The following ENTPD1 variants were observed in gnomAD, a reference collection of about 807,000 sequenced individuals.
ENTPD1 encodes the protein ATP diphosphohydrolase.
In ENTPD1, 33 loss-of-function variants were observed where a neutral mutation model predicts 57.0. The ratio of observed to expected loss-of-function variants is 0.58; its 90% CI spans 0.44 to 0.77. The LOEUF (loss-of-function observed/expected upper bound fraction) is 0.77, where lower values mean the gene tolerates loss of function less well. ENTPD1 is among the 30% of genes least tolerant of loss of function. The pLI is 0.00. For synonymous variants in ENTPD1, 202 were observed against 218.8 expected, an observed-to-expected ratio of 0.92 and a Z score of 0.68; for missense variants, 501 against 603.4, an observed-to-expected ratio of 0.83 and a Z score of 1.78.
chr10:95,737,383 T>A (rs1250491299), intron 1 of ENTPD1, among the ~76,000 whole-genome samples: 8 of 151,910 alleles, frequency 5.3e-5, no homozygotes, highest in Non-Finnish European at 1.5e-5. Flanking sequence ...GAAAAAAAAA[T>A]TAAAACTTTT....
At chr10:95,860,156 T>G (rs1715889912) in intron 7 of ENTPD1, among the ~76,000 whole-genome samples, 1 of 152,252 alleles carries the variant, frequency 6.6e-6, no homozygotes. Context: ...TAGTACATAG[T>G]ATTTTTAAAT....
At chr10:95,864,679 G>A (rs772977118) in intron 8 of ENTPD1, 45 bp from the exon 9 acceptor site, 20 of 1,613,320 alleles carry the variant, frequency 1.2e-5, no homozygotes, top group Non-Finnish European at 1.7e-5. Flanking sequence ...GCCACAGAGA[G>A]GTGCCTATCA....
chr10:95,813,701 T>C (rs189137480), intron 1 of ENTPD1, among the ~76,000 whole-genome samples: 327 of 152,274 alleles, frequency 2.1e-3, no homozygotes, highest in Non-Finnish European at 4.0e-3. Context: ...GTCTGGTCAG[T>C]TGGGGGGCTT....
rs1354035732 is a variant in ENTPD1 at position 95,868,375 on chromosome 10, A to C, written c.*1992A>C. 1 of 985,334 alleles carries C rather than the reference A, an allele frequency of 1.0e-6. No homozygotes were observed. The highest frequency in any genetic ancestry group is 1.2e-6 in the Non-Finnish European group (1 of 829,948). The allele number at this position is 985,334 out of a possible 1,614,324, so 61.0% of individuals were successfully genotyped here. On this transcript the variant is annotated 3_prime_UTR_variant, in exon 10 of 10. Coordinates refer to ENST00000371205, the MANE Select transcript of ENTPD1 (RefSeq NM_001776.6). ...CTGTTCCTGATAGGCTTGTAATTTA[A>C]TATCATTCTGTTCATGTGCTTTGGA...
At chr10:95,771,966 C>T (rs750149679) in intron 1 of ENTPD1, among the ~76,000 whole-genome samples, 3 of 152,026 alleles carry the variant, frequency 2.0e-5, no homozygotes, top group African/African-American at 7.2e-5. Context: ...AAGGAAGTAA[C>T]GTGATTAAAA....
rs2098430009 is a variant in ENTPD1 at position 95,844,539 on chromosome 10, C to T, written c.477C>T (p.Tyr159=). The change falls in exon 5 of 10, where the codon TAC becomes TAT. Residue 159 remains tyrosine (Y), a synonymous_variant. Coordinates refer to ENST00000371205, the MANE Select transcript of ENTPD1 (RefSeq NM_001776.6). The part of the protein sequence containing the change: ...LDVVERSLSN[Y]PFDFQGARII... ...TGGTGGAGAGGAGCCTCAGCAACTA[C>T]CCCTTTGACTTCCAGGGTGCCAGGA... 6.2e-7 allele frequency: 1 copy of T among 1,614,210 alleles called. No individual in the cohort carries two copies. The highest frequency in any genetic ancestry group is 1.7e-4 in the Middle Eastern group (1 of 6,058).
At chr10:95,843,904 G>GC (rs1446101165) in intron 4 of ENTPD1, among the ~76,000 whole-genome samples, 4 of 152,222 alleles carry the variant, frequency 2.6e-5, no homozygotes, top group Non-Finnish European at 5.9e-5. Context: ...AACCCTGGAA[G>GC]ATTCCTTCTT....
intron 1 of ENTPD1, among the ~76,000 whole-genome samples, chr10:95,814,339 G>A (rs1385398084): frequency 1.3e-5 from 2 of 152,194 alleles, no homozygotes; most frequent in Non-Finnish European, 2.9e-5. Flanking sequence ...AAGAATCAGG[G>A]AAGAGGACTC....
chr10:95,762,209 CA>C (rs59588135), intron 1 of ENTPD1, among the ~76,000 whole-genome samples: 1,652 of 78,496 alleles, frequency 0.021, 22 homozygotes, highest in African/African-American at 0.046. Context: ...TAAAAAGAAG[CA>C]AAAAAAAAAA....
At chr10:95,726,680 T>C (rs2097984002) in intron 1 of ENTPD1, among the ~76,000 whole-genome samples, 1 of 152,214 alleles carries the variant, frequency 6.6e-6, no homozygotes, top group Admixed American at 6.5e-5. Context: ...GTGTTGTTTC[T>C]CTCTCTTTAC....
chr10:95,767,943 A>G (rs1268376804), intron 1 of ENTPD1, among the ~76,000 whole-genome samples: 1 of 152,214 alleles, frequency 6.6e-6, no homozygotes, highest in East Asian at 1.9e-4. Context: ...GATCAATGCC[A>G]ATAATAAAAG....
chr10:95,847,963 T>A (rs1163410101), intron 7 of ENTPD1, among the ~76,000 whole-genome samples: 1 of 152,214 alleles, frequency 6.6e-6, no homozygotes, highest in African/African-American at 2.4e-5. Context: ...TTTTTGGCTC[T>A]AGGCAGCACC....
At chr10:95,819,717 A>G (rs965660232) in intron 1 of ENTPD1, among the ~76,000 whole-genome samples, 3 of 152,284 alleles carry the variant, frequency 2.0e-5, no homozygotes, top group African/African-American at 7.2e-5. Context: ...TTTAAGCTGA[A>G]AATTCCCCTC....
chr10:95,719,715 G>A (rs916085794), intron 1 of ENTPD1, among the ~76,000 whole-genome samples: 4 of 152,240 alleles, frequency 2.6e-5, no homozygotes, highest in Non-Finnish European at 5.9e-5. Flanking sequence ...AATCATCCAC[G>A]TACCAAAGGA....
At chr10:95,775,023 G>A (rs2098128811) in intron 1 of ENTPD1, among the ~76,000 whole-genome samples, 1 of 152,092 alleles carries the variant, frequency 6.6e-6, no homozygotes, top group Admixed American at 6.6e-5. Context: ...GTGGTTTGTA[G>A]TTCTCCTTTA....
Position 95,871,590 on chromosome 10 carries a change from C to G in ENTPD1, c.*5207C>G, listed in dbSNP as rs1487260923. 66 of 985,274 alleles carry G rather than the reference C, an allele frequency of 6.7e-5. No individual in the cohort carries two copies. Among genetic ancestry groups the G allele is most frequent in the Non-Finnish European group, 7.7e-5 (64 of 829,930 alleles). 61.0% of individuals were successfully genotyped at this position (985,274 alleles called of 1,614,324 possible). The stretch of plus-strand genomic sequence containing the variant: ...TGGATTTTTCAATAGTGAGGAGGTG[C>G]CTCCATGAGCCTTCTCTTTAGAAAA... On this transcript the variant is annotated 3_prime_UTR_variant, in exon 10 of 10. Transcript: ENST00000371205.
chr10:95,841,788 A>C (rs1487638380), intron 3 of ENTPD1, among the ~76,000 whole-genome samples: 3 of 152,212 alleles, frequency 2.0e-5, no homozygotes, highest in Admixed American at 1.3e-4. Flanking sequence ...CTAGGGAGGC[A>C]GGATATCGGA....
chr10:95,862,834 C>A (rs2098467561), intron 8 of ENTPD1, among the ~76,000 whole-genome samples: 1 of 152,224 alleles, frequency 6.6e-6, no homozygotes, highest in African/African-American at 2.4e-5. Flanking sequence ...TCACATTCAG[C>A]CTCATGAATA....
At chr10:95,719,239 G>T (rs1224630242) in intron 1 of ENTPD1, among the ~76,000 whole-genome samples, 1 of 152,186 alleles carries the variant, frequency 6.6e-6, no homozygotes, top group African/African-American at 2.4e-5. Flanking sequence ...GATTCCTAGA[G>T]CTATTCCTCT....
Sources: gnomAD v4.1 joint callset for allele counts (sites outside exome capture counted in the v4.1 genomes callset) on GRCh38, gnomAD v4.1.1 for gene constraint, MANE v1.5 for transcripts, NCBI Gene and HGNC (gene_info 2026-07-23, HGNC 2026-07-21) for gene names.